The following ANO3 variants were observed in gnomAD, a reference collection of about 807,000 sequenced individuals.
ANO3 encodes anoctamin 3, also known as anoctamin-3.
A neutral mutation model predicts 144.8 loss-of-function variants in ANO3; 99 were observed. That is an observed-to-expected ratio of 0.68 (90% CI 0.58 to 0.81). ANO3 has a LOEUF of 0.81. ANO3 is among the 30% of genes least tolerant of loss of function. ANO3 has a pLI of 0.00. For missense variants in ANO3, 905 were observed against 1,202.2 expected, an observed-to-expected ratio of 0.75 and a Z score of 3.66; for synonymous variants, 414 against 392.6, an observed-to-expected ratio of 1.05 and a Z score of -0.64.
chr11:26,647,389 C>T (rs768652983), intron 23 of ANO3, among the ~76,000 whole-genome samples: 11 of 152,130 alleles, frequency 7.2e-5, no homozygotes, highest in Non-Finnish European at 1.0e-4. Context: ...ATTTTTATTG[C>T]CTCAGCAAGT....
At chr11:26,407,963 T>C (rs1424737353) in intron 1 of ANO3, among the ~76,000 whole-genome samples, 1 of 151,826 alleles carries the variant, frequency 6.6e-6, no homozygotes, top group African/African-American at 2.4e-5. Flanking sequence ...CTGTTTATTC[T>C]TTAATTAATT....
chr11:26,360,839 C>T (rs563673731), intron 1 of ANO3, among the ~76,000 whole-genome samples: 2 of 152,256 alleles, frequency 1.3e-5, no homozygotes, highest in South Asian at 4.1e-4. Flanking sequence ...TGTATACTTA[C>T]TCATTTTAGT....
chr11:26,452,717 G>A (rs1858993666), intron 3 of ANO3, among the ~76,000 whole-genome samples: 1 of 152,082 alleles, frequency 6.6e-6, no homozygotes, highest in Middle Eastern at 3.2e-3. Flanking sequence ...TCAGATTCAG[G>A]AAATACAGAG....
chr11:26,280,273 C>G (rs1340001751), intron 1 of ANO3, among the ~76,000 whole-genome samples: 1 of 152,114 alleles, frequency 6.6e-6, no homozygotes, highest in African/African-American at 2.4e-5. Flanking sequence ...ACCCCGCTAG[C>G]CTTCACCATT....
chr11:26,363,036 T>C (rs955094666), intron 1 of ANO3, among the ~76,000 whole-genome samples: 2 of 152,224 alleles, frequency 1.3e-5, no homozygotes, highest in East Asian at 1.9e-4. Flanking sequence ...TAAATGCATG[T>C]ACCAAGAAAG....
chr11:26,521,978 A>G (rs1248604966), intron 6 of ANO3, among the ~76,000 whole-genome samples: 2 of 152,144 alleles, frequency 1.3e-5, no homozygotes, highest in Non-Finnish European at 2.9e-5. Context: ...AGGTCAGGAG[A>G]TGGAGACCAT....
intron 24 of ANO3, among the ~76,000 whole-genome samples, chr11:26,651,325 C>T (rs562865167): frequency 6.6e-6 from 1 of 152,246 alleles, no homozygotes; most frequent in African/African-American, 2.4e-5. Flanking sequence ...GAAAGTATCA[C>T]ATGTAGAGCT....
intron 1 of ANO3, among the ~76,000 whole-genome samples, chr11:26,406,552 A>G (rs183278167): frequency 6.6e-6 from 1 of 151,826 alleles, no homozygotes; most frequent in African/African-American, 2.4e-5. Flanking sequence ...GTTCATATGG[A>G]TCTACCTCTC....
chr11:26,410,315 A>G (rs1318143294), intron 1 of ANO3, among the ~76,000 whole-genome samples: 1 of 152,154 alleles, frequency 6.6e-6, no homozygotes, highest in East Asian at 1.9e-4. Flanking sequence ...TTACTTAATT[A>G]AAATTGGGAT....
chr11:26,338,895 C>T (rs553864318), intron 1 of ANO3, among the ~76,000 whole-genome samples: 11 of 152,218 alleles, frequency 7.2e-5, no homozygotes, highest in Middle Eastern at 6.8e-3. Context: ...CGCGAGGGTC[C>T]GCGGCTTCAT....
chr11:26,451,619 A>G (rs935484795), intron 3 of ANO3, among the ~76,000 whole-genome samples: 3 of 152,198 alleles, frequency 2.0e-5, no homozygotes, highest in African/African-American at 7.2e-5. Context: ...CAGCTCAAGG[A>G]GGCCTGCCTG....
chr11:26,555,618 C>T (rs942873023), intron 13 of ANO3, among the ~76,000 whole-genome samples: 1 of 152,076 alleles, frequency 6.6e-6, no homozygotes, highest in African/African-American at 2.4e-5. Flanking sequence ...AGAATATTGC[C>T]TTATGGAAGA....
intron 3 of ANO3, among the ~76,000 whole-genome samples, chr11:26,460,679 T>C (rs925026457): frequency 1.3e-5 from 2 of 148,564 alleles, no homozygotes; most frequent in African/African-American, 4.9e-5. Context: ...TTTCCAGAAA[T>C]AGATGAGTTA....
At chr11:26,532,634 G>T (rs1225888377) in intron 8 of ANO3, among the ~76,000 whole-genome samples, 2 of 151,130 alleles carry the variant, frequency 1.3e-5, no homozygotes, top group Non-Finnish European at 3.0e-5. Flanking sequence ...ACAAGCCTTG[G>T]TTCTATCTGT....
chr11:26,547,016 A>T (rs1275279379), intron 11 of ANO3, among the ~76,000 whole-genome samples: 3 of 151,814 alleles, frequency 2.0e-5, no homozygotes, highest in South Asian at 4.2e-4. Flanking sequence ...GGAGAGGGAA[A>T]TCTAACTAAC....
intron 1 of ANO3, among the ~76,000 whole-genome samples, chr11:26,316,583 A>G (rs1318412395): frequency 6.6e-6 from 1 of 152,216 alleles, no homozygotes; most frequent in African/African-American, 2.4e-5. Flanking sequence ...AAGTGAAACT[A>G]GACAACCGGT....
chr11:26,277,520 C>T (rs1216850510), intron 1 of ANO3, among the ~76,000 whole-genome samples: 1 of 152,006 alleles, frequency 6.6e-6, no homozygotes, highest in Non-Finnish European at 1.5e-5. Context: ...CACAATTTGT[C>T]TCTCAAAATC....
At chr11:26,287,739 C>A (rs1853841996) in intron 1 of ANO3, among the ~76,000 whole-genome samples, 1 of 152,182 alleles carries the variant, frequency 6.6e-6, no homozygotes, top group African/African-American at 2.4e-5. Flanking sequence ...TTGTTCTTAA[C>A]CACTAATTTA....
At chr11:26,425,885 A>G (rs888970070) in intron 1 of ANO3, among the ~76,000 whole-genome samples, 14 of 152,168 alleles carry the variant, frequency 9.2e-5, no homozygotes, top group South Asian at 2.1e-4. Context: ...GGAGTTTTCA[A>G]TTGGTTAATG....
Sources: gnomAD v4.1 joint callset for allele counts (sites outside exome capture counted in the v4.1 genomes callset) on GRCh38, gnomAD v4.1.1 for gene constraint, MANE v1.5 for transcripts, NCBI Gene and HGNC (gene_info 2026-07-23, HGNC 2026-07-21) for gene names.